The following ULK4 variants were observed in gnomAD, a reference collection of about 807,000 sequenced individuals.
ULK4 encodes unc-51 like kinase 4.
Under a neutral mutation model 160.6 loss-of-function variants are expected in ULK4, and 133 were observed. The ratio of observed to expected loss-of-function variants is 0.83; its 90% CI spans 0.72 to 0.96. ULK4 has a LOEUF of 0.96. ULK4 is among the 40% of genes least tolerant of loss of function. The probability of loss-of-function intolerance (pLI) is 0.00; values close to 1 mark genes in which losing one functional copy is unlikely to be tolerated. For synonymous variants in ULK4, 534 were observed against 539.8 expected, an observed-to-expected ratio of 0.99 and a Z score of 0.15; for missense variants, 1,580 against 1,499.5, an observed-to-expected ratio of 1.05 and a Z score of -0.89.
At chr3:41,268,722 T>C (rs921296450) in intron 35 of ULK4, among the ~76,000 whole-genome samples, 4 of 150,210 alleles carry the variant, frequency 2.7e-5, no homozygotes, top group African/African-American at 4.9e-5. Context: ...AGGAGAACGC[T>C]TGAACCCGGG....
chr3:41,436,959 T>A (rs2083050294), intron 34 of ULK4, among the ~76,000 whole-genome samples: 1 of 152,228 alleles, frequency 6.6e-6, no homozygotes, highest in Non-Finnish European at 1.5e-5. Flanking sequence ...GACATGAACT[T>A]ACTGAGTCTG....
At chr3:41,326,138 G>T (rs150698875) in intron 35 of ULK4, among the ~76,000 whole-genome samples, 57 of 151,928 alleles carry the variant, frequency 3.8e-4, no homozygotes, top group Non-Finnish European at 6.5e-4. Flanking sequence ...GCATGGGCAG[G>T]GGGGGGCTCC....
At chr3:41,723,813 A>T (rs2037554916) in intron 22 of ULK4, among the ~76,000 whole-genome samples, 1 of 152,234 alleles carries the variant, frequency 6.6e-6, no homozygotes, top group Admixed American at 6.5e-5. Flanking sequence ...AAATACTGAA[A>T]CTTCATCTCC....
intron 34 of ULK4, among the ~76,000 whole-genome samples, chr3:41,435,883 G>A (rs1161917016): frequency 6.6e-6 from 1 of 152,150 alleles, no homozygotes; most frequent in Non-Finnish European, 1.5e-5. Flanking sequence ...GGGAGGTGGA[G>A]GTTGGAGTGA....
intron 35 of ULK4, among the ~76,000 whole-genome samples, chr3:41,357,392 T>C (rs1005398175): frequency 6.6e-6 from 1 of 152,130 alleles, no homozygotes; most frequent in East Asian, 1.9e-4. Context: ...GATGTGTTCA[T>C]GGCGTGTGGG....
At position 41,668,844 on chromosome 3, in the gene ULK4, A is replaced by G. The variant is rs17060085; in HGVS notation, c.2979-5145T>C. Among the ~76,000 whole-genome samples the G allele has an allele frequency of 8.2e-3, 1,250 of 152,352 alleles. 19 individuals are homozygous for G. The highest frequency in any genetic ancestry group is 0.029 in the African/African-American group (1,192 of 41,574). ...TGTTGGGTAAGAAGGCCTCTTTAGC[A>G]TAACAAATGTAAAATGAATGAGAAA... On this transcript the variant is annotated intron_variant, in intron 29 of 36. Transcript: ENST00000301831.
At chr3:41,908,637 G>A (rs1350328860) in intron 11 of ULK4, among the ~76,000 whole-genome samples, 1 of 151,728 alleles carries the variant, frequency 6.6e-6, no homozygotes, top group Non-Finnish European at 1.5e-5. Flanking sequence ...GTAGAGACAG[G>A]GTTTCACCAT....
intron 35 of ULK4, among the ~76,000 whole-genome samples, chr3:41,353,346 G>A (rs922903291): frequency 6.6e-6 from 1 of 152,100 alleles, no homozygotes; most frequent in Non-Finnish European, 1.5e-5. Context: ...TAACATTCTG[G>A]AGCAGTAGAA....
intron 19 of ULK4, among the ~76,000 whole-genome samples, chr3:41,806,783 C>T (rs751088033): frequency 2.0e-5 from 3 of 152,102 alleles, no homozygotes; most frequent in Non-Finnish European, 2.9e-5. Context: ...AGCATTAAAT[C>T]AAGCTTCATA....
rs938041999 is a variant in ULK4 at position 41,463,086 on chromosome 3, C to T, written c.3393+1G>A. On this transcript the variant is annotated splice_donor_variant, in intron 33 of 36. Transcript: ENST00000301831. LOFTEE classifies it high-confidence loss of function. Reference sequence around the variant, plus strand: ...AAGACACAGGAAAACAGATCCTCTACCTGCAAAGCCAGCCGTACAATACCG... The same window carrying T: ...AAGACACAGGAAAACAGATCCTCTATCTGCAAAGCCAGCCGTACAATACCG... The T allele has an allele frequency of 9.3e-6, 15 of 1,612,262 alleles. No individual in the cohort carries two copies. Among genetic ancestry groups the T allele is most frequent in the Non-Finnish European group, 9.3e-6 (11 of 1,178,948 alleles).
At chr3:41,311,756 G>A (rs180814913) in intron 35 of ULK4, among the ~76,000 whole-genome samples, 3 of 151,400 alleles carry the variant, frequency 2.0e-5, no homozygotes, top group African/African-American at 4.9e-5. Context: ...TTTTAGTAGC[G>A]ACAGGGTTTC....
intron 12 of ULK4, among the ~76,000 whole-genome samples, chr3:41,904,351 C>T (rs1698478273): frequency 6.6e-6 from 1 of 152,020 alleles, no homozygotes; most frequent in African/African-American, 2.4e-5. Context: ...ATCACCTAAG[C>T]CCAACAAGTT....
intron 33 of ULK4, among the ~76,000 whole-genome samples, chr3:41,460,447 G>A (rs575140066): frequency 2.0e-5 from 3 of 152,230 alleles, no homozygotes; most frequent in Admixed American, 1.3e-4. Context: ...ATAAGATGAC[G>A]ACTTGCTTCA....
intron 16 of ULK4, among the ~76,000 whole-genome samples, chr3:41,888,005 G>GA (rs921455521): frequency 4.9e-4 from 71 of 143,440 alleles, no homozygotes; most frequent in Non-Finnish European, 6.0e-4. Context: ...TCCACAAAAA[G>GA]AAAAAAAAAA....
At chr3:41,581,714 T>C (rs2030357325) in intron 31 of ULK4, among the ~76,000 whole-genome samples, 1 of 152,122 alleles carries the variant, frequency 6.6e-6, no homozygotes, top group Non-Finnish European at 1.5e-5. Flanking sequence ...ATCCAGGGCA[T>C]GGTAGGTCAG....
At chr3:41,799,804 A>C (rs986535927) in intron 20 of ULK4, among the ~76,000 whole-genome samples, 1 of 152,176 alleles carries the variant, frequency 6.6e-6, no homozygotes, top group African/African-American at 2.4e-5. Context: ...TAAAGATTGC[A>C]GTAAGCCAAG....
At chr3:41,949,097 A>G (rs1700202443) in intron 2 of ULK4, among the ~76,000 whole-genome samples, 1 of 151,936 alleles carries the variant, frequency 6.6e-6, no homozygotes, top group Non-Finnish European at 1.5e-5. Flanking sequence ...ACCTGAGGTC[A>G]GGAGTTCGAG....
intron 32 of ULK4, among the ~76,000 whole-genome samples, chr3:41,564,843 A>T (rs1363272561): frequency 6.6e-6 from 1 of 152,112 alleles, no homozygotes. Flanking sequence ...GGAACATCCT[A>T]GGCCTTCACA....
intron 34 of ULK4, among the ~76,000 whole-genome samples, chr3:41,404,912 G>A (rs887841287): frequency 9.9e-5 from 15 of 152,114 alleles, no homozygotes; most frequent in Admixed American, 9.8e-4. Context: ...CTTAGCCTCT[G>A]GTATTATGTT....
Sources: allele counts gnomAD v4.1 joint callset (sites outside exome capture counted in the v4.1 genomes callset), GRCh38; gene constraint gnomAD v4.1.1; transcripts MANE v1.5; gene names NCBI Gene and HGNC (gene_info 2026-07-23, HGNC 2026-07-21).